STK38L: variants seen among roughly 807,000 people sequenced by gnomAD.
STK38L encodes serine/threonine-protein kinase 38-like.
STK38L carries 28 observed loss-of-function variants against 59.7 expected under a neutral mutation model. That is an observed-to-expected ratio of 0.47 (90% CI 0.35 to 0.64). The LOEUF is 0.64. Among genes scored for constraint, STK38L ranks in the 30% least tolerant of loss-of-function variants. STK38L has a pLI of 0.01. For synonymous variants in STK38L, 162 were observed against 176.8 expected, an observed-to-expected ratio of 0.92 and a Z score of 0.66; for missense variants, 314 against 555.8, an observed-to-expected ratio of 0.56 and a Z score of 4.37.
chr12:27,295,358 G>A (rs184469822), intron 1 of STK38L, among the ~76,000 whole-genome samples: 1 of 152,298 alleles, frequency 6.6e-6, no homozygotes, highest in Admixed American at 6.5e-5. Context: ...TGGGAAAAGT[G>A]ACTTGAGTTA....
intron 1 of STK38L, among the ~76,000 whole-genome samples, chr12:27,276,011 G>A (rs751848379): frequency 2.6e-5 from 4 of 152,108 alleles, no homozygotes; most frequent in Non-Finnish European, 2.9e-5. Context: ...CCATGGATAG[G>A]CCTAACAAAT....
intron 1 of STK38L, among the ~76,000 whole-genome samples, chr12:27,260,729 T>C (rs74072925): frequency 5.4e-4 from 83 of 152,304 alleles, no homozygotes; most frequent in Middle Eastern, 3.4e-3. Context: ...TATTTAAAAT[T>C]GTAATGCCTC....
chr12:27,260,608 G>T (rs888508053), intron 1 of STK38L, among the ~76,000 whole-genome samples: 4 of 152,046 alleles, frequency 2.6e-5, no homozygotes, highest in African/African-American at 9.7e-5. Context: ...CTGCTTCAGG[G>T]CCTTTGCACT....
intron 2 of STK38L, among the ~76,000 whole-genome samples, chr12:27,299,397 G>A (rs1342491693): frequency 6.6e-6 from 1 of 152,122 alleles, no homozygotes; most frequent in East Asian, 1.9e-4. Flanking sequence ...GGGAGGAAAG[G>A]AATGAAAATA....
At chr12:27,258,029 T>G (rs2136607137) in intron 1 of STK38L, among the ~76,000 whole-genome samples, 1 of 151,978 alleles carries the variant, frequency 6.6e-6, no homozygotes, top group African/African-American at 2.4e-5. Context: ...ACCCAGCTAA[T>G]TTTTGTATTT....
At position 27,323,746 on chromosome 12, in the gene STK38L, T is replaced by C. The variant is rs1944782302; in HGVS notation, c.*1291T>C. 6.6e-6 allele frequency: 1 copy of C among 152,482 alleles called. No homozygotes were observed. Among genetic ancestry groups the C allele is most frequent in the South Asian group, 2.1e-4 (1 of 4,836 alleles). 9.4% of individuals were successfully genotyped at this position (152,482 alleles called of 1,614,324 possible). ...AGGCCAGGGGGTTGTGATGAGAGGA[T>C]AGGGGAGATAATATCAGCATCAAAT... On this transcript the variant is annotated 3_prime_UTR_variant, in exon 14 of 14. Coordinates refer to ENST00000389032, the MANE Select transcript of STK38L (RefSeq NM_015000.4).
chr12:27,249,967 G>A (rs979263954), intron 1 of STK38L, among the ~76,000 whole-genome samples: 2 of 152,112 alleles, frequency 1.3e-5, no homozygotes, highest in Non-Finnish European at 2.9e-5. Context: ...CCTGAATAGG[G>A]TGGAGTTAAT....
chr12:27,249,566 G>A (rs1349666200), intron 1 of STK38L, among the ~76,000 whole-genome samples: 1 of 152,260 alleles, frequency 6.6e-6, no homozygotes, highest in East Asian at 1.9e-4. Flanking sequence ...TCGAACTCCC[G>A]ACCTCAGGTG....
At chr12:27,277,258 A>G (rs1304400718) in intron 1 of STK38L, among the ~76,000 whole-genome samples, 1 of 152,096 alleles carries the variant, frequency 6.6e-6, no homozygotes, top group African/African-American at 2.4e-5. Context: ...AAAAGTATAA[A>G]GTATAAAGCA....
chr12:27,299,341 A>G (rs1028590549), intron 2 of STK38L, among the ~76,000 whole-genome samples: 3 of 152,250 alleles, frequency 2.0e-5, no homozygotes, highest in African/African-American at 7.2e-5. Context: ...GTTGAGAAAC[A>G]TGGAGAATCA....
At chr12:27,251,561 T>C (rs1379418858) in intron 1 of STK38L, among the ~76,000 whole-genome samples, 2 of 152,216 alleles carry the variant, frequency 1.3e-5, no homozygotes, top group Non-Finnish European at 2.9e-5. Context: ...CCTTGTAGAG[T>C]AAAAGCTGCT....
intron 1 of STK38L, among the ~76,000 whole-genome samples, chr12:27,290,828 T>C (rs913083835): frequency 6.6e-6 from 1 of 152,200 alleles, no homozygotes; most frequent in Non-Finnish European, 1.5e-5. Flanking sequence ...GATCAGACTT[T>C]TCAGGAGAAA....
chr12:27,249,423 C>T (rs1164480315), intron 1 of STK38L, among the ~76,000 whole-genome samples: 2 of 152,150 alleles, frequency 1.3e-5, no homozygotes, highest in East Asian at 1.9e-4. Flanking sequence ...CTGCAACCCC[C>T]GCCTCCTGGG....
intron 1 of STK38L, among the ~76,000 whole-genome samples, chr12:27,262,760 A>G (rs1281345259): frequency 6.6e-6 from 1 of 151,580 alleles, no homozygotes; most frequent in Non-Finnish European, 1.5e-5. Context: ...AAAGTACACT[A>G]AGAATAAAAC....
intron 3 of STK38L, among the ~76,000 whole-genome samples, chr12:27,303,358 A>G (rs1400400960): frequency 1.3e-5 from 2 of 152,018 alleles, no homozygotes; most frequent in Non-Finnish European, 2.9e-5. Flanking sequence ...CAGCCTGGGC[A>G]AAGCAGCAGC....
intron 11 of STK38L, 71 bp downstream of exon 11, chr12:27,318,090 A>G (rs1375853989): frequency 8.2e-6 from 13 of 1,579,226 alleles, no homozygotes; most frequent in Non-Finnish European, 1.1e-5. Flanking sequence ...GACTCATTTC[A>G]CTTTTGTGGG....
At chr12:27,302,867 G>A (rs1408085470) in intron 3 of STK38L, among the ~76,000 whole-genome samples, 2 of 151,804 alleles carry the variant, frequency 1.3e-5, no homozygotes, top group East Asian at 1.9e-4. Flanking sequence ...AAAAAAATTA[G>A]CCAGGAGCGG....
chr12:27,299,368 A>C (rs954462914), intron 2 of STK38L, among the ~76,000 whole-genome samples: 1 of 152,212 alleles, frequency 6.6e-6, no homozygotes, highest in Non-Finnish European at 1.5e-5. Context: ...GACTTGACAT[A>C]TCTCTAAAAG....
intron 9 of STK38L, 107 bp from the exon 10 acceptor site, chr12:27,317,229 T>C (rs764038160): frequency 1.4e-6 from 1 of 722,112 alleles, no homozygotes; most frequent in Non-Finnish European, 2.3e-6. Context: ...TAAATACAAG[T>C]GAAAATTTAA....
Sources: gnomAD v4.1 joint callset for allele counts (sites outside exome capture counted in the v4.1 genomes callset) on GRCh38, gnomAD v4.1.1 for gene constraint, MANE v1.5 for transcripts, NCBI Gene and HGNC (gene_info 2026-07-23, HGNC 2026-07-21) for gene names.